The following CYP51A1 variants were observed in gnomAD, a reference collection of about 807,000 sequenced individuals.
The protein encoded by CYP51A1 is lanosterol 14-alpha demethylase.
A neutral mutation model predicts 53.5 loss-of-function variants in CYP51A1; 45 were observed. The ratio of observed to expected loss-of-function variants is 0.84; its 90% CI spans 0.66 to 1.08. CYP51A1 has a LOEUF of 1.08. Among genes scored for constraint, CYP51A1 ranks in the 50% least tolerant of loss-of-function variants. The pLI, the probability that CYP51A1 is intolerant of heterozygous loss-of-function variation, is 0.00. For missense variants in CYP51A1, 462 were observed against 621.7 expected (o/e 0.74, Z 2.73); for synonymous variants, 181 against 217.7 (o/e 0.83, Z 1.48).
chr7:92,134,569 C>G, upstream of CYP51A1: 2 of 577,036 alleles, frequency 3.5e-6, no homozygotes, highest in South Asian at 2.2e-5. Context: ...CCTTAAATAA[C>G]ACTCTGTGAA....
intron 5 of CYP51A1, among the ~76,000 whole-genome samples, chr7:92,125,973 C>T (rs781565314): frequency 1.2e-4 from 18 of 152,102 alleles, no homozygotes; most frequent in Non-Finnish European, 2.6e-4. Context: ...ACAGCTGGGG[C>T]AACAGAGCAA....
chr7:92,130,395 ATTAT>A (rs1323508897), intron 2 of CYP51A1, among the ~76,000 whole-genome samples: 1 of 152,226 alleles, frequency 6.6e-6, no homozygotes, highest in African/African-American at 2.4e-5. Flanking sequence ...CTTGTTTTCC[ATTAT>A]TGTTATCATT....
chr7:92,128,520 G>C (rs1014358316), intron 3 of CYP51A1, among the ~76,000 whole-genome samples: 1 of 151,562 alleles, frequency 6.6e-6, no homozygotes, highest in Non-Finnish European at 1.5e-5. Context: ...GTCTCACTCT[G>C]TTGCCAAGGC....
intron 8 of CYP51A1, 60 bp downstream of exon 8, chr7:92,118,460 A>T (rs1383794143): frequency 1.1e-5 from 10 of 939,590 alleles, no homozygotes; most frequent in Admixed American, 8.5e-5. Flanking sequence ...ACACCCACCT[A>T]TTTCTTCTTT....
Position 92,131,881 on chromosome 7 carries a change from G to A in CYP51A1, c.193-9C>T. On this transcript the variant is annotated splice_polypyrimidine_tract_variant and intron_variant, in intron 1 of 9. Transcript: ENST00000003100. Reference sequence around the variant, plus strand: ...ATGTATGGAGGACTTTTCTACAAGAGAAAAAAATAGTAAATTCAATTCGTG... The same window carrying A: ...ATGTATGGAGGACTTTTCTACAAGAAAAAAAAATAGTAAATTCAATTCGTG... 1 of 1,447,230 alleles carries A rather than the reference G, an allele frequency of 6.9e-7. No homozygotes were observed. The highest frequency in any genetic ancestry group is 1.2e-5 in the South Asian group (1 of 86,200). The allele number at this position is 1,447,230 out of a possible 1,614,324, so 89.6% of individuals were successfully genotyped here.
chr7:92,131,968 T>C (rs1039800005), intron 1 of CYP51A1, 96 bp from the exon 2 acceptor site: 2 of 692,784 alleles, frequency 2.9e-6, no homozygotes, highest in Non-Finnish European at 4.8e-6. Flanking sequence ...AAAATAGCTA[T>C]TAAGACTTCA....
chr7:92,126,661 A>C (rs1339326249), intron 4 of CYP51A1, among the ~76,000 whole-genome samples: 1 of 152,064 alleles, frequency 6.6e-6, no homozygotes, highest in Non-Finnish European at 1.5e-5. Context: ...TCAAAACCCC[A>C]CTCATGAGCA....
intron 2 of CYP51A1, 29 bp downstream of exon 2, chr7:92,131,745 T>TC (rs746164201): frequency 8.2e-7 from 1 of 1,225,878 alleles, no homozygotes; most frequent in Non-Finnish European, 1.2e-6. Flanking sequence ...TGTTTTTTTT[T>TC]TTTTCCTCTA....
intron 4 of CYP51A1, among the ~76,000 whole-genome samples, chr7:92,126,926 A>G (rs1427847304): frequency 6.6e-6 from 1 of 152,234 alleles, no homozygotes; most frequent in African/African-American, 2.4e-5. Flanking sequence ...AGGCAAGCAT[A>G]ATTTGATGAC....
rs57364263 is a variant in CYP51A1 at position 92,131,650 on chromosome 7, C to T, written c.291+124G>A. On this transcript the variant is annotated intron_variant, in intron 2 of 9. Transcript: ENST00000003100. Reference sequence around the variant, plus strand: ...AACCAGAGCAGTTTCCATTTTGTTTCCTATACTGAGGATATGTATATGATT... The same window carrying T: ...AACCAGAGCAGTTTCCATTTTGTTTTCTATACTGAGGATATGTATATGATT... 0.015 allele frequency: 8,255 copies of T among 567,676 alleles called. 372 individuals are homozygous for T. Among genetic ancestry groups the T allele is most frequent in the African/African-American group, 0.12 (6,233 of 52,610 alleles). The allele number at this position is 567,676 out of a possible 1,614,324, so 35.2% of individuals were successfully genotyped here.
chr7:92,127,659 G>A lies in CYP51A1; in HGVS notation c.469-28C>T, dbSNP rs374882677. The A allele has an allele frequency of 8.6e-5, 138 of 1,611,042 alleles. No individual in the cohort carries two copies. In the African/African-American group the frequency reaches 1.5e-3, roughly 17 times the overall value. On this transcript the variant is annotated intron_variant, in intron 3 of 9. Transcript: ENST00000003100. ...TCAAAAAAATTCAAAACGGGGATAC[G>A]GCATTAAAACACATTTTTGTTTTAT...
At position 92,125,864 on chromosome 7, in the gene CYP51A1, C is replaced by T. The variant is rs183479871; in HGVS notation, c.770+389G>A. Among the ~76,000 whole-genome samples, 7 of 152,194 alleles carry T rather than the reference C, an allele frequency of 4.6e-5. No homozygotes were observed. The East Asian group carries it at 1.4e-3, about 29-fold the overall frequency. On this transcript the variant is annotated intron_variant, in intron 5 of 9. Coordinates refer to ENST00000003100, the MANE Select transcript of CYP51A1 (RefSeq NM_000786.4). ...TAGAAAAATTAGTTGGGCATGGTGG[C>T]ACGTGCCTGTAGTCCCAGCTCTCAG... is the stretch of plus-strand genomic sequence containing the variant.
intron 6 of CYP51A1, 35 bp from the exon 7 acceptor site, chr7:92,123,350 T>C (rs1298183080): frequency 5.8e-6 from 9 of 1,558,690 alleles, no homozygotes; most frequent in Non-Finnish European, 7.9e-6. Context: ...ATTTAACATT[T>C]TGGCAGATAC....
intron 7 of CYP51A1, among the ~76,000 whole-genome samples, chr7:92,121,452 A>T (rs1584633176): frequency 6.6e-6 from 1 of 152,184 alleles, no homozygotes; most frequent in African/African-American, 2.4e-5. Flanking sequence ...CTTATAACCC[A>T]GCAATTCTAC....
chr7:92,123,877 T>C (rs2130949621), intron 5 of CYP51A1, 24 bp from the exon 6 acceptor site: 3 of 1,543,424 alleles, frequency 1.9e-6, no homozygotes, highest in Non-Finnish European at 2.6e-6. Context: ...ATAAAGATGA[T>C]TTTCTTAAAT....
chr7:92,129,666 T>C (rs1326572135), intron 2 of CYP51A1, among the ~76,000 whole-genome samples: 4 of 152,026 alleles, frequency 2.6e-5, no homozygotes, highest in Non-Finnish European at 4.4e-5. Flanking sequence ...GGGGGTATAA[T>C]CATGAAAAAA....
chr7:92,132,722 T>C (rs1819948802), intron 1 of CYP51A1, among the ~76,000 whole-genome samples: 1 of 152,236 alleles, frequency 6.6e-6, no homozygotes, highest in Non-Finnish European at 1.5e-5. Flanking sequence ...AATCTCATGC[T>C]TCTCTCACTG....
At chr7:92,123,601 TAA>T in intron 6 of CYP51A1, 131 bp downstream of exon 6, 2 of 862,116 alleles carry the variant, frequency 2.3e-6, no homozygotes, top group Non-Finnish European at 1.8e-6. Context: ...CTCAACAATT[TAA>T]AGAGTCCAAA....
At chr7:92,132,030 C>G in intron 1 of CYP51A1, 158 bp from the exon 2 acceptor site, 1 of 497,590 alleles carries the variant, frequency 2.0e-6, no homozygotes, top group Admixed American at 3.2e-5. Flanking sequence ...TGAGAACAGC[C>G]AAATTGCAAA....
Sources: gnomAD v4.1 joint callset for allele counts (sites outside exome capture counted in the v4.1 genomes callset) on GRCh38, gnomAD v4.1.1 for gene constraint, MANE v1.5 for transcripts, NCBI Gene and HGNC (gene_info 2026-07-23, HGNC 2026-07-21) for gene names.